NHS: variants seen among roughly 807,000 people sequenced by gnomAD.
NHS encodes actin remodeling regulator NHS.
In NHS, 5 loss-of-function variants were observed where a neutral mutation model predicts 72.5. The observed-to-expected ratio is 0.07, with a 90% confidence interval of 0.04 to 0.14. The LOEUF is 0.14. NHS is among the 10% of genes least tolerant of loss of function. The pLI is 1.00. For synonymous variants in NHS, 464 were observed against 547.7 expected, an observed-to-expected ratio of 0.85 and a Z score of 2.13; for missense variants, 1,072 against 1,355.7, an observed-to-expected ratio of 0.79 and a Z score of 3.29.
At chrX:17,385,617 G>C (rs957968481) in intron 1 of NHS, among the ~76,000 whole-genome samples, 1 of 111,610 alleles carries the variant, frequency 9.0e-6, no homozygotes, top group African/African-American at 3.3e-5. Flanking sequence ...TCATGAGATT[G>C]CTCCTCAGTT....
At chrX:17,541,225 T>A (rs2065260981) in intron 1 of NHS, among the ~76,000 whole-genome samples, 1 of 112,311 alleles carries the variant, frequency 8.9e-6, no homozygotes, top group Non-Finnish European at 1.9e-5. Context: ...CACAAAGAGG[T>A]TAAGAGACTT....
At chrX:17,593,673 C>G (rs1010736190) in intron 1 of NHS, among the ~76,000 whole-genome samples, 5 of 111,884 alleles carry the variant, frequency 4.5e-5, no homozygotes, top group African/African-American at 1.3e-4. Context: ...GTTTCCACCT[C>G]CATCCAGGTA....
chrX:17,608,734 C>G (rs1021942015), intron 1 of NHS, among the ~76,000 whole-genome samples: 1 of 110,121 alleles, frequency 9.1e-6, no homozygotes, highest in African/African-American at 3.3e-5. Context: ...CGCTACAAAG[C>G]AATCTCACAA....
At chrX:17,706,805 C>T (rs1441502628) in intron 3 of NHS, among the ~76,000 whole-genome samples, 1 of 111,943 alleles carries the variant, frequency 8.9e-6, no homozygotes, top group Non-Finnish European at 1.9e-5. Flanking sequence ...CACCCTCACC[C>T]GCTGCTGAAT....
At chrX:17,653,485 A>C (rs182213032) in intron 1 of NHS, among the ~76,000 whole-genome samples, 60 of 108,648 alleles carry the variant, frequency 5.5e-4, no homozygotes, top group Non-Finnish European at 2.1e-4. Flanking sequence ...AAATTTAAGC[A>C]ATCTAGTTAT....
rs1365339929 is a variant in NHS, at chrX:17,625,663, G to A, written c.566-62079G>A. 7.1e-5 allele frequency among the ~76,000 whole-genome samples: 8 copies of A among 112,068 alleles called. No homozygotes were observed. In the East Asian group the frequency reaches 8.3e-4, roughly 12 times the overall value. ...TAGAAATATGATGTGAGTCATTTAC[G>A]TAATTAAAAAATTTTTAGTAACCAT... On this transcript the variant is annotated intron_variant, in intron 1 of 8. Coordinates refer to ENST00000676302, the MANE Select transcript of NHS (RefSeq NM_001291867.2).
chrX:17,643,511 G>A (rs2065891964), intron 1 of NHS, among the ~76,000 whole-genome samples: 1 of 111,441 alleles, frequency 9.0e-6, no homozygotes, highest in Non-Finnish European at 1.9e-5. Context: ...ATCTGAAGGT[G>A]TAAAAACTGA....
intron 1 of NHS, among the ~76,000 whole-genome samples, chrX:17,592,341 T>C (rs1030109623): frequency 2.7e-5 from 3 of 112,078 alleles, no homozygotes; most frequent in Non-Finnish European, 5.6e-5. Flanking sequence ...TTAGCTTTTG[T>C]GTCAGCCCTA....
At chrX:17,574,006 A>G (rs2065496260) in intron 1 of NHS, among the ~76,000 whole-genome samples, 1 of 111,571 alleles carries the variant, frequency 9.0e-6, no homozygotes, top group Admixed American at 9.5e-5. Flanking sequence ...TTTCACCAGC[A>G]GAAGCTGCAG....
chrX:17,526,697 G>A (rs1381455636), intron 1 of NHS, among the ~76,000 whole-genome samples: 4 of 111,849 alleles, frequency 3.6e-5, no homozygotes, highest in African/African-American at 1.3e-4. Context: ...ATTTCTATGC[G>A]CATTTCTGGG....
At chrX:17,670,635 G>A (rs933463951) in intron 1 of NHS, among the ~76,000 whole-genome samples, 1 of 112,461 alleles carries the variant, frequency 8.9e-6, no homozygotes, top group African/African-American at 3.2e-5. Context: ...TTTTTGCAAT[G>A]TCAAATTCTG....
intron 1 of NHS, among the ~76,000 whole-genome samples, chrX:17,553,036 T>A (rs4825343): frequency 0.34 from 38,231 of 112,218 alleles, 4,791 homozygotes; most frequent in East Asian, 0.74. Context: ...GAGATAGTGC[T>A]GACAGTCCCA....
intron 1 of NHS, among the ~76,000 whole-genome samples, chrX:17,453,443 T>C (rs2064814069): frequency 8.9e-6 from 1 of 111,964 alleles, no homozygotes; most frequent in Non-Finnish European, 1.9e-5. Flanking sequence ...CTAGCAGAAA[T>C]CATAGACATT....
intron 1 of NHS, chrX:17,687,255 G>A (rs1237790313): frequency 5.8e-6 from 1 of 171,500 alleles, no homozygotes; most frequent in African/African-American, 3.0e-5. Context: ...CAGAGGCAGG[G>A]CAAGGTATAG....
chrX:17,601,582 C>G (rs925698541), intron 1 of NHS, among the ~76,000 whole-genome samples: 2 of 111,256 alleles, frequency 1.8e-5, no homozygotes, highest in Non-Finnish European at 3.8e-5. Flanking sequence ...AACTGTTGGA[C>G]AAGGAAGAAG....
Position 17,575,122 on chromosome X carries a change from A to G in NHS, c.566-112620A>G, listed in dbSNP as rs2065503071. On this transcript the variant is annotated intron_variant, in intron 1 of 8. Coordinates refer to ENST00000676302, the MANE Select transcript of NHS (RefSeq NM_001291867.2). ...CAGCTGCCTCCTTCCTGGCCTCCCT[A>G]CGTCCACTAGTGTTTGCTGCAGTCC... Among the ~76,000 whole-genome samples, 3 of 112,599 alleles carry G rather than the reference A, an allele frequency of 2.7e-5. No homozygotes were observed. In the Admixed American group the frequency reaches 2.8e-4, roughly 10 times the overall value.
intron 1 of NHS, among the ~76,000 whole-genome samples, chrX:17,393,996 G>A (rs979614536): frequency 9.9e-5 from 11 of 111,439 alleles, no homozygotes; most frequent in Non-Finnish European, 2.1e-4. Context: ...TGAATAGTAC[G>A]ACATTCCGCC....
intron 1 of NHS, among the ~76,000 whole-genome samples, chrX:17,408,954 G>GGAGAGAGAGAGAGAGA (rs369974924): frequency 1.5e-4 from 15 of 103,418 alleles, no homozygotes; most frequent in African/African-American, 5.1e-4. Context: ...GACGGAGAGA[G>GGAGAGAGAGAGAGAGA]GAGAGAGAGA....
chrX:17,474,136 T>A (rs2064904135), intron 1 of NHS, among the ~76,000 whole-genome samples: 1 of 111,021 alleles, frequency 9.0e-6, no homozygotes, highest in African/African-American at 3.3e-5. Flanking sequence ...ATGAACAAGG[T>A]TTTACGTGCC....
Sources: allele counts gnomAD v4.1 joint callset (sites outside exome capture counted in the v4.1 genomes callset), GRCh38; gene constraint gnomAD v4.1.1; transcripts MANE v1.5; gene names NCBI Gene and HGNC (gene_info 2026-07-23, HGNC 2026-07-21).